Variants in BLTP2 observed in about 807,000 individuals in gnomAD.
The protein encoded by BLTP2 is bridge-like lipid transfer protein family member 2.
chr17:28,642,647 T>A, the BLTP2 span, among the ~76,000 whole-genome samples: 1 of 151,810 alleles, frequency 6.6e-6, no homozygotes, highest in African/African-American at 2.4e-5. Flanking sequence ...CAAGACTCTG[T>A]CTCAAAAAAA....
chr17:28,632,300 C>G, the BLTP2 span: 3 of 1,445,338 alleles, frequency 2.1e-6, no homozygotes, highest in Non-Finnish European at 2.8e-6. Flanking sequence ...AAAGCTAAAT[C>G]CTTCCCTTGC....
At chr17:28,635,259 G>A in the BLTP2 span, 3 of 1,614,182 alleles carry the variant, frequency 1.9e-6, no homozygotes, top group Non-Finnish European at 1.7e-6. Context: ...TGCCATCAAA[G>A]CCAGCAGCCA....
the BLTP2 span, among the ~76,000 whole-genome samples, chr17:28,629,871 TCCCA>T: frequency 6.6e-6 from 1 of 152,168 alleles, no homozygotes; most frequent in African/African-American, 2.4e-5. Flanking sequence ...TGCCTCAGCC[TCCCA>T]AAGTGTAGGG....
At chr17:28,641,946 G>C in the BLTP2 span, 6 of 1,614,164 alleles carry the variant, frequency 3.7e-6, no homozygotes, top group Non-Finnish European at 5.1e-6. Context: ...AGTTGGCTCT[G>C]GAAGAGGCCC....
At chr17:28,627,097 T>G in the BLTP2 span, among the ~76,000 whole-genome samples, 3 of 152,168 alleles carry the variant, frequency 2.0e-5, no homozygotes, top group African/African-American at 7.2e-5. Flanking sequence ...GCAGAATTAA[T>G]TGCTTGCTTA....
chr17:28,618,531 A>G, the BLTP2 span, among the ~76,000 whole-genome samples: 1 of 152,108 alleles, frequency 6.6e-6, no homozygotes, highest in Non-Finnish European at 1.5e-5. Context: ...CATTTTTTAA[A>G]AATTATTTTA....
At chr17:28,629,155 T>C in the BLTP2 span, among the ~76,000 whole-genome samples, 5 of 152,082 alleles carry the variant, frequency 3.3e-5, no homozygotes, top group African/African-American at 1.2e-4. Context: ...GCAATCTTCC[T>C]GCCTTAGTCT....
chr17:28,642,720 G>A, the BLTP2 span: 8 of 639,576 alleles, frequency 1.3e-5, no homozygotes, highest in Admixed American at 5.2e-5. Context: ...AAGCTCTGGT[G>A]GCTAGAAGGG....
chr17:28,640,412 T>C, the BLTP2 span: 1 of 813,816 alleles, frequency 1.2e-6, no homozygotes, highest in South Asian at 1.8e-5. Context: ...AATAATTTTT[T>C]TAATTTTTCC....
the BLTP2 span, chr17:28,643,501 A>T: frequency 2.9e-6 from 4 of 1,379,172 alleles, no homozygotes; most frequent in Non-Finnish European, 4.1e-6. Context: ...CTTCAGCAAC[A>T]ACCTCCCTTC....
At chr17:28,633,415 C>T in the BLTP2 span, 13 of 1,607,356 alleles carry the variant, frequency 8.1e-6, no homozygotes, top group African/African-American at 2.7e-5. Context: ...TGACCACCCC[C>T]GAGAATTTGG....
chr17:28,634,825 T>C, the BLTP2 span: 3 of 1,613,888 alleles, frequency 1.9e-6, no homozygotes, highest in East Asian at 6.7e-5. Flanking sequence ...CTCCCCATGC[T>C]GCTTCCGAAG....
chr17:28,633,559 A>G, the BLTP2 span: 6 of 1,614,092 alleles, frequency 3.7e-6, no homozygotes, highest in South Asian at 6.6e-5. Flanking sequence ...CTCAGTGGCC[A>G]GCTGGTGCAG....
At chr17:28,620,698 C>A in the BLTP2 span, 1 of 1,566,898 alleles carries the variant, frequency 6.4e-7, no homozygotes, top group Non-Finnish European at 8.7e-7. Flanking sequence ...CATCTCTTAA[C>A]CCACATTTGG....
At chr17:28,631,677 G>A in the BLTP2 span, 2 of 1,614,098 alleles carry the variant, frequency 1.2e-6, no homozygotes, top group Non-Finnish European at 1.7e-6. Context: ...GCATCACTGT[G>A]CCTGCTGAGA....
chr17:28,630,789 C>G, the BLTP2 span, among the ~76,000 whole-genome samples: 9 of 152,248 alleles, frequency 5.9e-5, no homozygotes, highest in South Asian at 2.1e-4. Flanking sequence ...CAGCCCTCCC[C>G]CACTGTATTT....
At chr17:28,643,810 C>G in the BLTP2 span, 5 of 898,712 alleles carry the variant, frequency 5.6e-6, no homozygotes, top group African/African-American at 8.3e-5. Context: ...GTAAAATCTT[C>G]GATTTCCTGT....
At chr17:28,619,971 G>C in the BLTP2 span, 2 of 1,614,032 alleles carry the variant, frequency 1.2e-6, no homozygotes, top group Admixed American at 1.7e-5. Flanking sequence ...GATTGCTAGA[G>C]ATCTCAAGCT....
chr17:28,620,272 G>T, the BLTP2 span, among the ~76,000 whole-genome samples: 1 of 152,216 alleles, frequency 6.6e-6, no homozygotes, highest in South Asian at 2.1e-4. Context: ...CTAGGTGACT[G>T]AGTAGAGAAA....
Sources: allele counts gnomAD v4.1 joint callset (sites outside exome capture counted in the v4.1 genomes callset), GRCh38; gene constraint gnomAD v4.1.1; transcripts MANE v1.5; gene names NCBI Gene and HGNC (gene_info 2026-07-23, HGNC 2026-07-21).